KTN1: variants seen among roughly 807,000 people sequenced by gnomAD.
KTN1 encodes the protein kinectin.
Under a neutral mutation model 222.5 loss-of-function variants are expected in KTN1, and 130 were observed. The ratio of observed to expected loss-of-function variants is 0.58; its 90% CI spans 0.51 to 0.68. The LOEUF is 0.68. KTN1 is among the 30% of genes least tolerant of loss of function. KTN1 has a pLI of 0.00. For missense variants in KTN1, 1,508 were observed against 1,500.4 expected (o/e 1.01, Z -0.08); for synonymous variants, 512 against 496.3 (o/e 1.03, Z -0.42).
At chr14:55,616,179 G>A (rs1158555162) in intron 2 of KTN1, among the ~76,000 whole-genome samples, 1 of 151,980 alleles carries the variant, frequency 6.6e-6, no homozygotes, top group African/African-American at 2.4e-5. Flanking sequence ...GATACTCCTG[G>A]GTTCAAGTGA....
rs1468773552 is a variant in KTN1 at position 55,633,269 on chromosome 14, T to G, written c.1256T>G (p.Ile419Arg). The change falls in exon 8 of 44, where the codon ATA becomes AGA. Residue 419 changes from isoleucine (I) to arginine (R), a missense_variant. Coordinates refer to ENST00000395314, the MANE Select transcript of KTN1 (RefSeq NM_001079521.2). ...QQVREQMEAE[I>R]AHLKQENGIL... The stretch of plus-strand genomic sequence containing the variant: ...GTTCGTGAGCAGATGGAGGCAGAGA[T>G]AGCTCACTTGAAGCAGGAAAATGGT... 5 of 1,596,512 alleles carry G rather than the reference T, an allele frequency of 3.1e-6. No individual in the cohort carries two copies. The highest frequency in any genetic ancestry group is 4.3e-6 in the Non-Finnish European group (5 of 1,171,404).
Position 55,590,954 on chromosome 14 carries a change from A to G in KTN1, c.-31+10600A>G, listed in dbSNP as rs530793210. On this transcript the variant is annotated intron_variant, in intron 1 of 43. Transcript: ENST00000395314. ...CTCCCAAAGTGCTGGGATTACAGGCATGAGCCACCATGCCCGGCCCAGGAT... is the reference window on the plus strand; with the variant it reads ...CTCCCAAAGTGCTGGGATTACAGGCGTGAGCCACCATGCCCGGCCCAGGAT... 9.2e-5 allele frequency among the ~76,000 whole-genome samples: 14 copies of G among 152,260 alleles called. No individual in the cohort carries two copies. In the East Asian group the frequency reaches 1.7e-3, roughly 19 times the overall value.
intron 13 of KTN1, among the ~76,000 whole-genome samples, chr14:55,639,560 C>A (rs1383384852): frequency 1.3e-5 from 2 of 151,736 alleles, no homozygotes; most frequent in African/African-American, 4.8e-5. Flanking sequence ...AGTTGTAGTT[C>A]TTCTGTGTCC....
At chr14:55,595,636 CATTA>C (rs1477129616) in intron 1 of KTN1, among the ~76,000 whole-genome samples, 4 of 152,132 alleles carry the variant, frequency 2.6e-5, no homozygotes, top group Non-Finnish European at 4.4e-5. Context: ...CTTTCTAAAC[CATTA>C]ATTGTCAACT....
chr14:55,591,776 A>T (rs1028388852), intron 1 of KTN1, among the ~76,000 whole-genome samples: 1 of 151,704 alleles, frequency 6.6e-6, no homozygotes, highest in African/African-American at 2.4e-5. Context: ...GGGTTTCTCC[A>T]TGTTGCTCAG....
At chr14:55,581,603 G>C (rs2031665755) in intron 1 of KTN1, among the ~76,000 whole-genome samples, 1 of 152,186 alleles carries the variant, frequency 6.6e-6, no homozygotes, top group African/African-American at 2.4e-5. Flanking sequence ...CTAAAGATAA[G>C]CATCTTCGGT....
At chr14:55,640,063 G>C in intron 14 of KTN1, 60 bp downstream of exon 14, 2 of 974,332 alleles carry the variant, frequency 2.1e-6, no homozygotes, top group Non-Finnish European at 3.3e-6. Context: ...AAATTACTTT[G>C]ATGCACATAA....
At chr14:55,652,612 G>C (rs1311120104) in intron 25 of KTN1, among the ~76,000 whole-genome samples, 1 of 152,100 alleles carries the variant, frequency 6.6e-6, no homozygotes, top group East Asian at 1.9e-4. Context: ...TGTTAGCCAG[G>C]ATGGTCTTGA....
Position 55,653,604 on chromosome 14 carries a change from T to C in KTN1, c.2801+8T>C, listed in dbSNP as rs1187999899. 42 of 1,602,498 alleles carry C rather than the reference T, an allele frequency of 2.6e-5. No individual in the cohort carries two copies. The highest frequency in any genetic ancestry group is 3.6e-5 in the Non-Finnish European group (42 of 1,170,132). Reference sequence around the variant, plus strand: ...TGAAGAACTTGAGATTGTGTAAGTATGCTTTAAGACCACATTTTGAAGAGA... The same window carrying C: ...TGAAGAACTTGAGATTGTGTAAGTACGCTTTAAGACCACATTTTGAAGAGA... On this transcript the variant is annotated splice_region_variant and intron_variant, in intron 28 of 43. Coordinates refer to ENST00000395314, the MANE Select transcript of KTN1 (RefSeq NM_001079521.2).
At chr14:55,589,052 T>G (rs2033599073) in intron 1 of KTN1, among the ~76,000 whole-genome samples, 1 of 152,174 alleles carries the variant, frequency 6.6e-6, no homozygotes, top group African/African-American at 2.4e-5. Flanking sequence ...CATTCAAGAT[T>G]AGCCTTGGAA....
chr14:55,661,766 G>T (rs1449652128), intron 32 of KTN1, 154 bp downstream of exon 32: 2 of 426,712 alleles, frequency 4.7e-6, no homozygotes, highest in Non-Finnish European at 8.4e-6. Context: ...CGGGGGGCGG[G>T]GCATTATTGG....
At chr14:55,593,818 CT>C (rs1388802926) in intron 1 of KTN1, among the ~76,000 whole-genome samples, 8 of 151,618 alleles carry the variant, frequency 5.3e-5, no homozygotes, top group Non-Finnish European at 1.0e-4. Flanking sequence ...TTTTTCTCCC[CT>C]CTCCTCCCCT....
intron 1 of KTN1, among the ~76,000 whole-genome samples, chr14:55,592,960 C>T (rs575551878): frequency 5.9e-5 from 9 of 152,020 alleles, no homozygotes; most frequent in East Asian, 1.9e-4. Context: ...AAGTTTATCC[C>T]GTGTTTTTAA....
intron 18 of KTN1, among the ~76,000 whole-genome samples, chr14:55,643,081 T>C (rs2141020180): frequency 6.6e-6 from 1 of 152,132 alleles, no homozygotes; most frequent in African/African-American, 2.4e-5. Flanking sequence ...CGCTGATTTT[T>C]GTATTTTTAG....
rs573430045 is a variant in KTN1, at chr14:55,624,602, A to G, written c.964-3310A>G. On this transcript the variant is annotated intron_variant, in intron 5 of 43. Coordinates refer to ENST00000395314, the MANE Select transcript of KTN1 (RefSeq NM_001079521.2). ...GAGTGATTGAGGAAGATAATCCACT[A>G]TCAACAGTACATATGGTAGATGTAT... Among the ~76,000 whole-genome samples the G allele has an allele frequency of 7.2e-5, 11 of 152,352 alleles. No individual in the cohort carries two copies. In the East Asian group the frequency reaches 1.9e-3, roughly 27 times the overall value.
intron 33 of KTN1, among the ~76,000 whole-genome samples, chr14:55,666,876 G>A (rs1357149236): frequency 6.6e-6 from 1 of 151,908 alleles, no homozygotes; most frequent in East Asian, 1.9e-4. Flanking sequence ...CCTCCAATGT[G>A]TATTTTCTAC....
Position 55,673,257 on chromosome 14 carries a change from T to G in KTN1, c.3771+2T>G. On this transcript the variant is annotated splice_donor_variant, in intron 40 of 43. Transcript: ENST00000395314. LOFTEE classifies it high-confidence loss of function. The stretch of plus-strand genomic sequence containing the variant: ...AGACAGAATGAAGAGCTAAATTTGG[T>G]AAGAAGCTTGTCCTCCACTGGGTAT... 1 of 1,604,080 alleles carries G rather than the reference T, an allele frequency of 6.2e-7. No individual in the cohort carries two copies. Among genetic ancestry groups the G allele is most frequent in the Non-Finnish European group, 8.5e-7 (1 of 1,171,454 alleles).
At position 55,649,788 on chromosome 14, in the gene KTN1, T is replaced by C. The variant is rs567703390; in HGVS notation, c.2380T>C (p.Ser794Pro). 2.0e-6 allele frequency: 3 copies of C among 1,521,660 alleles called. No individual in the cohort carries two copies. The highest frequency in any genetic ancestry group is 2.3e-5 in the South Asian group (2 of 85,190). 94.3% of individuals were successfully genotyped at this position (1,521,660 alleles called of 1,614,324 possible). Reference protein sequence around the residue: ...AKQNDQVSFASLVEELKKVIH... With the variant: ...AKQNDQVSFAPLVEELKKVIH... ...TTCCTATTTCCAGGTTTCTTTTGCC[T>C]CTCTAGTTGAAGAACTTAAGAAAGT... Residue 794 changes from serine to proline, a missense_variant, in exon 22 of 44, where the codon TCT becomes CCT. Transcript: ENST00000395314.
At chr14:55,616,379 A>G in intron 2 of KTN1, 138 bp from the exon 3 acceptor site, 1 of 686,000 alleles carries the variant, frequency 1.5e-6, no homozygotes, top group Non-Finnish European at 2.4e-6. Flanking sequence ...AAGCTAGAAA[A>G]AGTTATTGGT....
Sources: allele counts gnomAD v4.1 joint callset (sites outside exome capture counted in the v4.1 genomes callset), GRCh38; gene constraint gnomAD v4.1.1; transcripts MANE v1.5; gene names NCBI Gene and HGNC (gene_info 2026-07-23, HGNC 2026-07-21).